Variants in NRXN1 observed in about 807,000 individuals in gnomAD.
NRXN1 encodes the protein neurexin-1.
NRXN1 carries 39 observed loss-of-function variants against 150.9 expected under a neutral mutation model. That is an observed-to-expected ratio of 0.26 (90% CI 0.20 to 0.34). NRXN1 has a LOEUF of 0.34. NRXN1 is among the 10% of genes least tolerant of loss of function. NRXN1 has a pLI of 1.00. For synonymous variants in NRXN1, 924 were observed against 757.0 expected (o/e 1.22, Z -3.62); for missense variants, 1,815 against 1,949.9 (o/e 0.93, Z 1.30).
At chr2:50,734,949 C>T (rs1015072707) in intron 5 of NRXN1, among the ~76,000 whole-genome samples, 1 of 152,116 alleles carries the variant, frequency 6.6e-6, no homozygotes, top group African/African-American at 2.4e-5. Context: ...TGCACCAAGA[C>T]CAATTCTTGG....
intron 5 of NRXN1, among the ~76,000 whole-genome samples, chr2:50,689,615 T>C (rs1298074205): frequency 1.3e-5 from 2 of 152,182 alleles, no homozygotes; most frequent in African/African-American, 2.4e-5. Context: ...CTGTCATGTG[T>C]TGTACCACAT....
At chr2:50,828,478 G>C (rs1274622370) in intron 5 of NRXN1, among the ~76,000 whole-genome samples, 1 of 151,236 alleles carries the variant, frequency 6.6e-6, no homozygotes, top group Non-Finnish European at 1.5e-5. Flanking sequence ...CAGACGGGGC[G>C]GTTGCCAGGC....
intron 18 of NRXN1, among the ~76,000 whole-genome samples, chr2:50,101,076 G>A (rs558706380): frequency 3.9e-4 from 59 of 152,174 alleles, no homozygotes; most frequent in Middle Eastern, 3.4e-3. Flanking sequence ...GAGCTGATCA[G>A]ATGTGTATTA....
At chr2:50,215,363 G>C (rs1192510695) in intron 18 of NRXN1, among the ~76,000 whole-genome samples, 1 of 151,980 alleles carries the variant, frequency 6.6e-6, no homozygotes, top group African/African-American at 2.4e-5. Context: ...GTGTCAGTGC[G>C]ATTCTTAAAG....
At chr2:50,155,448 G>C (rs1387742605) in intron 18 of NRXN1, among the ~76,000 whole-genome samples, 6 of 150,922 alleles carry the variant, frequency 4.0e-5, no homozygotes, top group African/African-American at 1.5e-4. Flanking sequence ...AAAGAAGAAA[G>C]GAGGGACGAA....
chr2:50,748,171 A>G (rs1343377416), intron 5 of NRXN1, among the ~76,000 whole-genome samples: 1 of 152,138 alleles, frequency 6.6e-6, no homozygotes, highest in African/African-American at 2.4e-5. Context: ...TAATAACCCA[A>G]CCAAGACTGC....
chr2:50,657,500 G>C (rs1461593740), intron 5 of NRXN1, among the ~76,000 whole-genome samples: 1 of 151,750 alleles, frequency 6.6e-6, no homozygotes, highest in Non-Finnish European at 1.5e-5. Context: ...TTCATTTTTT[G>C]TTTGTTTGGT....
intron 5 of NRXN1, among the ~76,000 whole-genome samples, chr2:50,638,126 A>C (rs540665181): frequency 6.6e-6 from 1 of 152,244 alleles, no homozygotes; most frequent in African/African-American, 2.4e-5. Context: ...GTTGGGATGA[A>C]AAACTGGGTC....
intron 17 of NRXN1, among the ~76,000 whole-genome samples, chr2:50,329,355 G>C (rs1373598765): frequency 2.0e-5 from 3 of 151,254 alleles, no homozygotes; most frequent in Admixed American, 1.3e-4. Context: ...AAACGATGAG[G>C]GTTTTTTTTT....
intron 17 of NRXN1, among the ~76,000 whole-genome samples, chr2:50,265,973 T>G: frequency 1.1e-5 from 1 of 93,270 alleles, no homozygotes; most frequent in East Asian, 2.4e-4. Context: ...TTGTTATTAT[T>G]ATTATTATTA....
At chr2:50,453,351 G>A (rs1230497668) in intron 17 of NRXN1, among the ~76,000 whole-genome samples, 2 of 152,114 alleles carry the variant, frequency 1.3e-5, no homozygotes, top group African/African-American at 4.8e-5. Context: ...TGCTGATCCA[G>A]GTACCACCGT....
At chr2:50,170,756 CGTGT>C (rs58130457) in intron 18 of NRXN1, among the ~76,000 whole-genome samples, 42,206 of 142,886 alleles carry the variant, frequency 0.3, 6,106 homozygotes, top group Middle Eastern at 0.37. Flanking sequence ...CTCTGTCTGT[CGTGT>C]GTGTGTGTGT....
At chr2:50,286,915 T>C (rs1341995770) in intron 17 of NRXN1, among the ~76,000 whole-genome samples, 1 of 152,126 alleles carries the variant, frequency 6.6e-6, no homozygotes, top group East Asian at 1.9e-4. Flanking sequence ...TTGCTGCTGC[T>C]TCTTCCTCTT....
intron 17 of NRXN1, among the ~76,000 whole-genome samples, chr2:50,305,286 A>T (rs539475454): frequency 6.6e-6 from 1 of 152,192 alleles, no homozygotes; most frequent in African/African-American, 2.4e-5. Flanking sequence ...TTATCCCCGT[A>T]AGGTTTAACC....
intron 5 of NRXN1, among the ~76,000 whole-genome samples, chr2:50,901,709 T>A (rs1287950874): frequency 6.6e-6 from 1 of 152,022 alleles, no homozygotes; most frequent in Non-Finnish European, 1.5e-5. Context: ...CACGTGACAC[T>A]AAGAAAAAAA....
intron 18 of NRXN1, among the ~76,000 whole-genome samples, chr2:50,188,185 A>G (rs2061211243): frequency 6.6e-6 from 1 of 152,134 alleles, no homozygotes; most frequent in Admixed American, 6.6e-5. Flanking sequence ...ATATAGACCA[A>G]TGGAACAGAA....
At chr2:50,144,706 TAAGA>T (rs1707763108) in intron 18 of NRXN1, among the ~76,000 whole-genome samples, 1 of 151,878 alleles carries the variant, frequency 6.6e-6, no homozygotes, top group Admixed American at 6.6e-5. Context: ...AACAGGGCTG[TAAGA>T]AAGAAAATTA....
chr2:50,401,288 T>C (rs1468362461), intron 17 of NRXN1, among the ~76,000 whole-genome samples: 1 of 152,148 alleles, frequency 6.6e-6, no homozygotes, highest in Non-Finnish European at 1.5e-5. Flanking sequence ...AAATTACTCT[T>C]AATGTATATG....
intron 5 of NRXN1, among the ~76,000 whole-genome samples, chr2:50,769,308 A>G (rs532064967): frequency 2.0e-5 from 3 of 151,980 alleles, no homozygotes; most frequent in African/African-American, 7.2e-5. Context: ...GGGTTATCCA[A>G]CTCAATCACA....
Sources: allele counts gnomAD v4.1 joint callset (sites outside exome capture counted in the v4.1 genomes callset), GRCh38; gene constraint gnomAD v4.1.1; transcripts MANE v1.5; gene names NCBI Gene and HGNC (gene_info 2026-07-23, HGNC 2026-07-21).